Variants in C19orf47 observed in about 807,000 individuals in gnomAD.
C19orf47 encodes uncharacterized protein C19orf47.
In C19orf47, 18 loss-of-function variants were observed where a neutral mutation model predicts 32.3. The observed-to-expected ratio is 0.56, with a 90% CI of 0.39 to 0.83. The LOEUF is 0.83. C19orf47 is among the 40% of genes least tolerant of loss of function. The pLI is 0.00. For synonymous variants in C19orf47, 202 were observed against 211.1 expected, an observed-to-expected ratio of 0.96 and a Z score of 0.37; for missense variants, 484 against 531.6, an observed-to-expected ratio of 0.91 and a Z score of 0.88.
chr19:40,316,724 C>T (rs2077664488), downstream of C19orf47, among the ~76,000 whole-genome samples: 6 of 152,170 alleles, frequency 3.9e-5, no homozygotes, highest in Admixed American at 2.6e-4. Context: ...CTGCAACGGA[C>T]TCATCACCAG....
intron 8 of C19orf47, among the ~76,000 whole-genome samples, chr19:40,322,838 C>T (rs1474658498): frequency 6.6e-6 from 1 of 152,194 alleles, no homozygotes; most frequent in Admixed American, 6.5e-5. Context: ...CCGCATGGGG[C>T]TCACAGTCCA....
the C19orf47 span, among the ~76,000 whole-genome samples, chr19:40,303,143 G>A: frequency 3.3e-5 from 5 of 151,820 alleles, no homozygotes; most frequent in African/African-American, 9.7e-5. Flanking sequence ...CAGGAGAATC[G>A]CTTGAACCTG....
At chr19:40,348,255 C>T in intron 1 of C19orf47, 69 bp downstream of exon 1, 1 of 1,120,256 alleles carries the variant, frequency 8.9e-7, no homozygotes, top group Non-Finnish European at 1.2e-6. Flanking sequence ...GAACTGAGTC[C>T]AGACACCCGG....
the C19orf47 span, among the ~76,000 whole-genome samples, chr19:40,300,795 A>C: frequency 6.6e-6 from 1 of 152,164 alleles, no homozygotes; most frequent in African/African-American, 2.4e-5. Context: ...TAATAAACTT[A>C]TGATTATAAC....
At chr19:40,323,613 G>A (rs1239547164) in intron 8 of C19orf47, among the ~76,000 whole-genome samples, 1 of 152,212 alleles carries the variant, frequency 6.6e-6, no homozygotes, top group Admixed American at 6.5e-5. Flanking sequence ...CCATTCAGGA[G>A]GCTATCATCC....
At chr19:40,333,788 G>T (rs1377832832) in intron 5 of C19orf47, 63 bp downstream of exon 5, 1 of 1,330,058 alleles carries the variant, frequency 7.5e-7, no homozygotes, top group Non-Finnish European at 1.0e-6. Flanking sequence ...ATGGCCAGAC[G>T]TGTCCCCTTC....
chr19:40,335,258 G>A, intron 4 of C19orf47, among the ~76,000 whole-genome samples: 1 of 152,206 alleles, frequency 6.6e-6, no homozygotes, highest in South Asian at 2.1e-4. Flanking sequence ...AGGAAGGTGG[G>A]TCACTATAAG....
intron 4 of C19orf47, among the ~76,000 whole-genome samples, chr19:40,335,888 C>T (rs982576827): frequency 6.6e-6 from 1 of 152,226 alleles, no homozygotes; most frequent in Admixed American, 6.5e-5. Flanking sequence ...AGATTACAGG[C>T]GTGAGCCACC....
Position 40,321,086 on chromosome 19 carries a change from A to T in C19orf47, c.*796T>A. 1 of 267,650 alleles carries T rather than the reference A, an allele frequency of 3.7e-6. No homozygotes were observed. The highest frequency in any genetic ancestry group is 5.8e-6 in the Non-Finnish European group (1 of 172,334). 16.6% of individuals were successfully genotyped at this position (267,650 alleles called of 1,614,324 possible). A position where few individuals can be genotyped will look rare whatever the true frequency, so the allele number is the denominator to read the frequency against. ...GATTTGAAAGTCACAAAAATATATT[A>T]AAACAGCAGCTGTCTTCACTCTAGG... On this transcript the variant is annotated 3_prime_UTR_variant, in exon 9 of 9. Coordinates refer to ENST00000683109, the MANE Select transcript of C19orf47 (RefSeq NM_001256441.2).
Position 40,326,483 on chromosome 19 carries a change from G to A in C19orf47, c.443C>T (p.Ala148Val). Residue 148 changes from alanine (A) to valine (V), a missense_variant, in exon 7 of 9, where the codon GCC (alanine) becomes GTC (valine). Ala to Val is a moderately conservative substitution (Grantham distance 64). Coordinates refer to ENST00000683109, the MANE Select transcript of C19orf47 (RefSeq NM_001256441.2). ...GCTCTCCTCCTCCCGGCGGGCCAGG[G>A]CTGCTGGGGGAAGAAAGCAGGGGTA... ...MAAKSAKATA[A>V]LARREEESLA... The A allele has an allele frequency of 6.2e-7, 1 of 1,612,654 alleles. No individual in the cohort carries two copies. Among genetic ancestry groups the A allele is most frequent in the Non-Finnish European group, 8.5e-7 (1 of 1,179,970 alleles).
At chr19:40,347,391 G>T (rs1328359460) in intron 1 of C19orf47, among the ~76,000 whole-genome samples, 7 of 152,060 alleles carry the variant, frequency 4.6e-5, no homozygotes, top group Admixed American at 2.6e-4. Context: ...AATTAGCCGG[G>T]CGTGGTGGCG....
At chr19:40,303,014 G>A in the C19orf47 span, among the ~76,000 whole-genome samples, 1 of 152,148 alleles carries the variant, frequency 6.6e-6, no homozygotes, top group Non-Finnish European at 1.5e-5. Context: ...GCCGGGGTGG[G>A]AAGACCACCT....
At chr19:40,323,412 G>A (rs1459418922) in intron 8 of C19orf47, among the ~76,000 whole-genome samples, 1 of 152,184 alleles carries the variant, frequency 6.6e-6, no homozygotes, top group Non-Finnish European at 1.5e-5. Flanking sequence ...TGGGCTTCAG[G>A]GTGTACTCTG....
chr19:40,306,787 T>C, the C19orf47 span, among the ~76,000 whole-genome samples: 1 of 105,756 alleles, frequency 9.5e-6, no homozygotes, highest in African/African-American at 3.9e-5. Flanking sequence ...AGAATGTCAT[T>C]AAAATTTTTT....
Position 40,321,484 on chromosome 19 carries a change from G to A in C19orf47, c.*398C>T. On this transcript the variant is annotated 3_prime_UTR_variant, in exon 9 of 9. Transcript: ENST00000683109. ...GAGTGGGGGAAGGGAGGCCCACCAG[G>A]TGACACCCACTTAGTTGAGGGGGAC... 2 of 1,016,330 alleles carry A rather than the reference G, an allele frequency of 2.0e-6. No homozygotes were observed. Among genetic ancestry groups the A allele is most frequent in the Non-Finnish European group, 2.4e-6 (2 of 848,922 alleles). 63.0% of individuals were successfully genotyped at this position (1,016,330 alleles called of 1,614,324 possible). A position where few individuals can be genotyped will look rare whatever the true frequency, so the allele number is the denominator to read the frequency against.
At chr19:40,324,384 AG>A in intron 7 of C19orf47, 5 of 421,656 alleles carry the variant, frequency 1.2e-5, no homozygotes, top group Non-Finnish European at 2.2e-5. Flanking sequence ...TCTTGGGGTC[AG>A]GGACCTCTGA....
chr19:40,347,677 C>T (rs1458659654), intron 1 of C19orf47, among the ~76,000 whole-genome samples: 1 of 152,142 alleles, frequency 6.6e-6, no homozygotes, highest in African/African-American at 2.4e-5. Context: ...TAGTAAGTGA[C>T]AGGATGTCGA....
Position 40,348,306 on chromosome 19 carries a change from C to G in C19orf47, c.-34+18G>C. ...ACCGCAACCGGCCCAGTCCCACCAC[C>G]CCCGGCCCGCGCCTCACCTGGCCCA... On this transcript the variant is annotated intron_variant, in intron 1 of 8. Transcript: ENST00000683109. 1 of 1,339,796 alleles carries G rather than the reference C, an allele frequency of 7.5e-7. No individual in the cohort carries two copies. The allele number at this position is 1,339,796 out of a possible 1,614,324, so 83.0% of individuals were successfully genotyped here.
At chr19:40,304,200 G>A in the C19orf47 span, among the ~76,000 whole-genome samples, 1 of 152,120 alleles carries the variant, frequency 6.6e-6, no homozygotes, top group South Asian at 2.1e-4. Context: ...TTTAGCATGT[G>A]GAACTTCTAG....
Sources: allele counts gnomAD v4.1 joint callset (sites outside exome capture counted in the v4.1 genomes callset), GRCh38; gene constraint gnomAD v4.1.1; transcripts MANE v1.5; gene names NCBI Gene and HGNC (gene_info 2026-07-23, HGNC 2026-07-21).